The following CTDSPL variants were observed in gnomAD, a reference collection of about 807,000 sequenced individuals.
CTDSPL encodes CTD small phosphatase-like protein.
A neutral mutation model predicts 30.5 loss-of-function variants in CTDSPL; 8 were observed. That is an observed-to-expected ratio of 0.26 (90% CI 0.15 to 0.47). CTDSPL has a LOEUF of 0.47. Ranked by LOEUF, CTDSPL falls within the 20% of genes least tolerant of loss-of-function variation. The pLI is 0.99. For missense variants in CTDSPL, 248 were observed against 366.1 expected, an observed-to-expected ratio of 0.68 and a Z score of 2.63; for synonymous variants, 110 against 137.9, an observed-to-expected ratio of 0.80 and a Z score of 1.42.
chr3:37,906,364 G>A (rs902967416), intron 1 of CTDSPL, among the ~76,000 whole-genome samples: 4 of 152,176 alleles, frequency 2.6e-5, no homozygotes, highest in African/African-American at 9.7e-5. Context: ...GTAAATGTGC[G>A]ACTGTTACTG....
intron 1 of CTDSPL, among the ~76,000 whole-genome samples, chr3:37,945,136 AT>A (rs201768885): frequency 1.1e-4 from 17 of 149,538 alleles, no homozygotes; most frequent in African/African-American, 2.4e-4. Flanking sequence ...CAGGGAAAAG[AT>A]TTTTTTTTCC....
At chr3:37,960,721 C>T (rs1243344460) in intron 3 of CTDSPL, among the ~76,000 whole-genome samples, 1 of 151,202 alleles carries the variant, frequency 6.6e-6, no homozygotes, top group East Asian at 1.9e-4. Context: ...CAGAGCCAGA[C>T]CCTGTCTCAC....
intron 1 of CTDSPL, among the ~76,000 whole-genome samples, chr3:37,906,159 T>C (rs1436791890): frequency 1.3e-5 from 2 of 152,332 alleles, no homozygotes; most frequent in African/African-American, 4.8e-5. Context: ...TGGGCTTCTT[T>C]GCTTCCTGGC....
intron 1 of CTDSPL, among the ~76,000 whole-genome samples, chr3:37,877,592 G>C (rs1198812130): frequency 6.6e-6 from 1 of 151,806 alleles, no homozygotes; most frequent in Non-Finnish European, 1.5e-5. Context: ...TCAGTTCTTT[G>C]GTATATATAC....
chr3:37,926,342 C>A (rs1698781374), intron 1 of CTDSPL, among the ~76,000 whole-genome samples: 1 of 152,202 alleles, frequency 6.6e-6, no homozygotes, highest in South Asian at 2.1e-4. Flanking sequence ...AGGTTTCCAG[C>A]CCACATGAGA....
rs761097268 is a variant in CTDSPL at position 37,968,265 on chromosome 3, GA to G, written c.426+388del. 1.5e-5 allele frequency: 7 copies of G among 457,712 alleles called. 1 individual carries two copies. The highest frequency in any genetic ancestry group is 4.8e-5 in the Admixed American group (2 of 41,736). The allele number at this position is 457,712 out of a possible 1,614,324, so 28.4% of individuals were successfully genotyped here. A position where few individuals can be genotyped will look rare whatever the true frequency, so the allele number is the denominator to read the frequency against. Reference sequence around the variant, plus strand: ...TCACCCACTTATGGTGGACTCTCGGGAAAAAGTGTCCATTTTCAATGCCAGC... The same window carrying G: ...TCACCCACTTATGGTGGACTCTCGGGAAAAGTGTCCATTTTCAATGCCAGC... On this transcript the variant is annotated intron_variant, in intron 5 of 7. Transcript: ENST00000273179.
chr3:37,902,691 C>T (rs554265666), intron 1 of CTDSPL, among the ~76,000 whole-genome samples: 1 of 152,250 alleles, frequency 6.6e-6, no homozygotes, highest in East Asian at 1.9e-4. Flanking sequence ...CATTCAAACC[C>T]CCCACAAGGA....
chr3:37,891,100 G>A (rs1698320324), intron 1 of CTDSPL, among the ~76,000 whole-genome samples: 1 of 152,158 alleles, frequency 6.6e-6, no homozygotes, highest in Non-Finnish European at 1.5e-5. Flanking sequence ...CCTGTTCCAT[G>A]CTGGGGTTAG....
intron 1 of CTDSPL, among the ~76,000 whole-genome samples, chr3:37,896,791 G>A (rs1363521688): frequency 2.0e-5 from 3 of 151,946 alleles, no homozygotes; most frequent in South Asian, 2.1e-4. Flanking sequence ...CTCCCACCTC[G>A]ACCTCCCCAA....
At chr3:37,875,695 C>T (rs1261581165) in intron 1 of CTDSPL, among the ~76,000 whole-genome samples, 1 of 152,294 alleles carries the variant, frequency 6.6e-6, no homozygotes, top group East Asian at 1.9e-4. Flanking sequence ...AAGTCAGAAA[C>T]CATTGACTTT....
At chr3:37,894,566 G>A (rs1698370202) in intron 1 of CTDSPL, among the ~76,000 whole-genome samples, 3 of 152,032 alleles carry the variant, frequency 2.0e-5, no homozygotes, top group Non-Finnish European at 4.4e-5. Context: ...CTTTCTTTAT[G>A]TTTATCTTGC....
intron 2 of CTDSPL, chr3:37,954,774 C>T (rs1263383379): frequency 6.6e-6 from 1 of 152,310 alleles, no homozygotes; most frequent in African/African-American, 2.4e-5. Context: ...CAGAAGCCTC[C>T]AGGGGCTGGG....
At chr3:37,958,601 G>A (rs943615521) in intron 3 of CTDSPL, among the ~76,000 whole-genome samples, 1 of 152,162 alleles carries the variant, frequency 6.6e-6, no homozygotes, top group African/African-American at 2.4e-5. Flanking sequence ...AAACCCCACT[G>A]AAGAAACGGA....
chr3:37,896,129 A>C (rs926165328), intron 1 of CTDSPL, among the ~76,000 whole-genome samples: 2 of 152,192 alleles, frequency 1.3e-5, no homozygotes, highest in Non-Finnish European at 2.9e-5. Flanking sequence ...ATAATCAATC[A>C]GTAAGAATCA....
chr3:37,935,139 T>G (rs1227267922), intron 1 of CTDSPL, among the ~76,000 whole-genome samples: 1 of 152,214 alleles, frequency 6.6e-6, no homozygotes, highest in Non-Finnish European at 1.5e-5. Context: ...CTATTCCTAC[T>G]CTGTTGGACA....
chr3:37,902,518 C>T (rs1168232336), intron 1 of CTDSPL, among the ~76,000 whole-genome samples: 2 of 152,080 alleles, frequency 1.3e-5, no homozygotes, highest in African/African-American at 4.8e-5. Flanking sequence ...TAGGTACCTC[C>T]CATCATGCCA....
chr3:37,979,627 G>C (rs905056310), intron 7 of CTDSPL, among the ~76,000 whole-genome samples: 1 of 152,108 alleles, frequency 6.6e-6, no homozygotes, highest in Non-Finnish European at 1.5e-5. Flanking sequence ...AGCCAAGCGT[G>C]GTGCCACATG....
At position 37,982,038 on chromosome 3, in the gene CTDSPL, A is replaced by C; in HGVS notation, c.*1171A>C. On this transcript the variant is annotated 3_prime_UTR_variant, in exon 8 of 8. Coordinates refer to ENST00000273179, the MANE Select transcript of CTDSPL (RefSeq NM_001008392.2). ...CTGTAACCCCTTCCTGGCATTGGCC[A>C]CTGAAGGGTACAAAGGCAAAAGGAC... The C allele has an allele frequency of 2.6e-6, 1 of 382,930 alleles. No homozygotes were observed. The highest frequency in any genetic ancestry group is 1.9e-5 in the South Asian group (1 of 51,960). 23.7% of individuals were successfully genotyped at this position (382,930 alleles called of 1,614,324 possible). A position where few individuals can be genotyped will look rare whatever the true frequency, so the allele number is the denominator to read the frequency against.
At chr3:37,910,375 G>C (rs1460691145) in intron 1 of CTDSPL, among the ~76,000 whole-genome samples, 1 of 152,154 alleles carries the variant, frequency 6.6e-6, no homozygotes, top group Non-Finnish European at 1.5e-5. Context: ...CAGCTACTCA[G>C]GAGGCCAAGG....
Sources: gnomAD v4.1 joint callset for allele counts (sites outside exome capture counted in the v4.1 genomes callset) on GRCh38, gnomAD v4.1.1 for gene constraint, MANE v1.5 for transcripts, NCBI Gene and HGNC (gene_info 2026-07-23, HGNC 2026-07-21) for gene names.